ABLIM1: variants seen among roughly 807,000 people sequenced by gnomAD.
ABLIM1 encodes the protein actin-binding LIM protein 1.
In ABLIM1, 40 loss-of-function variants were observed where a neutral mutation model predicts 107.0. That is an observed-to-expected ratio of 0.37 (90% CI 0.29 to 0.49). ABLIM1 has a LOEUF of 0.49. Among genes scored for constraint, ABLIM1 ranks in the 20% least tolerant of loss-of-function variants. The probability of loss-of-function intolerance (pLI) is 0.97; values close to 1 mark genes in which losing one functional copy is unlikely to be tolerated. For synonymous variants in ABLIM1, 357 were observed against 357.3 expected, an observed-to-expected ratio of 1.00 and a Z score of 0.01; for missense variants, 857 against 1,008.5, an observed-to-expected ratio of 0.85 and a Z score of 2.04.
chr10:114,720,072 G>A lies in ABLIM1; in HGVS notation c.-213+47989C>T, dbSNP rs115018435. Among the ~76,000 whole-genome samples, 1,464 of 152,140 alleles carry A rather than the reference G, an allele frequency of 9.6e-3. 18 individuals carry two copies. Among genetic ancestry groups the A allele is most frequent in the African/African-American group, 0.033 (1,350 of 41,516 alleles). On this transcript the variant is annotated intron_variant, in intron 1 of 15. Coordinates refer to the ABLIM1 transcript ENST00000651092. ...CAGTGTGTGTTGTTTCCCTCCCTGT[G>A]TCCCTGTGCTCTCATTTTTCAGCTC...
chr10:114,736,043 A>G (rs1175743082), intron 1 of ABLIM1, among the ~76,000 whole-genome samples: 1 of 152,208 alleles, frequency 6.6e-6, no homozygotes, highest in Non-Finnish European at 1.5e-5. Context: ...TGACATCTAA[A>G]TATGCTGGCA....
intron 4 of ABLIM1, among the ~76,000 whole-genome samples, chr10:114,557,559 T>C (rs1565926274): frequency 6.6e-6 from 1 of 152,006 alleles, no homozygotes; most frequent in Non-Finnish European, 1.5e-5. Flanking sequence ...TTTTCATAAA[T>C]AGAGGCCATT....
intron 4 of ABLIM1, among the ~76,000 whole-genome samples, chr10:114,557,874 T>A (rs1016395981): frequency 2.7e-5 from 4 of 150,844 alleles, no homozygotes; most frequent in Admixed American, 2.0e-4. Flanking sequence ...TGAAACTCAC[T>A]AGATCACCCA....
chr10:114,558,312 G>A (rs1012315575), intron 4 of ABLIM1, among the ~76,000 whole-genome samples: 1 of 152,070 alleles, frequency 6.6e-6, no homozygotes, highest in Non-Finnish European at 1.5e-5. Flanking sequence ...CATTACGCAG[G>A]AATCCCATGA....
intron 1 of ABLIM1, among the ~76,000 whole-genome samples, chr10:114,717,511 C>T (rs1051485668): frequency 6.6e-6 from 1 of 152,096 alleles, no homozygotes; most frequent in African/African-American, 2.4e-5. Context: ...TAGTAGATGC[C>T]AGTAGCACCC....
intron 1 of ABLIM1, among the ~76,000 whole-genome samples, chr10:114,641,059 A>C (rs1225115100): frequency 6.6e-6 from 1 of 151,982 alleles, no homozygotes; most frequent in African/African-American, 2.4e-5. Context: ...ATCAATTCAC[A>C]ATAAAACAGG....
At chr10:114,573,951 GTTCA>G (rs906302366) in intron 3 of ABLIM1, among the ~76,000 whole-genome samples, 8 of 152,106 alleles carry the variant, frequency 5.3e-5, no homozygotes, top group African/African-American at 1.9e-4. Flanking sequence ...AAAATATTCA[GTTCA>G]TTCATCCAGA....
intron 1 of ABLIM1, among the ~76,000 whole-genome samples, chr10:114,746,730 C>A (rs1426300608): frequency 6.6e-6 from 1 of 152,196 alleles, no homozygotes; most frequent in Non-Finnish European, 1.5e-5. Context: ...CATCTTCTGT[C>A]TTTTTGATAA....
chr10:114,652,790 T>G (rs1404305348), intron 1 of ABLIM1, among the ~76,000 whole-genome samples: 5 of 152,158 alleles, frequency 3.3e-5, no homozygotes, highest in African/African-American at 1.2e-4. Flanking sequence ...ACCCAAAAGC[T>G]CCAAAGGACA....
chr10:114,516,491 T>G (rs2062837110), intron 6 of ABLIM1, among the ~76,000 whole-genome samples: 1 of 152,066 alleles, frequency 6.6e-6, no homozygotes, highest in South Asian at 2.1e-4. Flanking sequence ...ATCACTGCAC[T>G]CCAGCCTGGG....
chr10:114,544,376 AC>A (rs1340205871), intron 6 of ABLIM1, among the ~76,000 whole-genome samples: 1 of 152,004 alleles, frequency 6.6e-6, no homozygotes, highest in Admixed American at 6.6e-5. Flanking sequence ...TCTGTGTCTC[AC>A]CCCAGAGGAA....
intron 1 of ABLIM1, among the ~76,000 whole-genome samples, chr10:114,636,921 T>C (rs1013517422): frequency 2.0e-5 from 3 of 150,914 alleles, no homozygotes; most frequent in African/African-American, 7.3e-5. Context: ...TAATCTCAAA[T>C]ACTTGGGAGG....
At chr10:114,517,616 A>AG (rs112356709) in intron 6 of ABLIM1, among the ~76,000 whole-genome samples, 3 of 152,102 alleles carry the variant, frequency 2.0e-5, no homozygotes, top group South Asian at 2.1e-4. Flanking sequence ...AAGGGCGGGG[A>AG]GGGGGGCCAC....
intron 8 of ABLIM1, among the ~76,000 whole-genome samples, chr10:114,483,939 A>C (rs1481107054): frequency 2.0e-5 from 3 of 152,150 alleles, no homozygotes; most frequent in African/African-American, 7.2e-5. Context: ...CATGCAGCAT[A>C]ATCTCCAGCC....
chr10:114,518,193 C>T (rs971039562), intron 6 of ABLIM1, among the ~76,000 whole-genome samples: 1 of 152,146 alleles, frequency 6.6e-6, no homozygotes, highest in African/African-American at 2.4e-5. Context: ...AAGCAAGATA[C>T]AGAACTCTAC....
At chr10:114,618,484 G>A (rs2077268215) in intron 1 of ABLIM1, among the ~76,000 whole-genome samples, 2 of 152,208 alleles carry the variant, frequency 1.3e-5, no homozygotes, top group Admixed American at 1.3e-4. Context: ...CTGACTCTGA[G>A]ACAGGTTAGG....
chr10:114,760,812 T>C (rs1296213554), intron 1 of ABLIM1, among the ~76,000 whole-genome samples: 1 of 152,250 alleles, frequency 6.6e-6, no homozygotes, highest in African/African-American at 2.4e-5. Flanking sequence ...ATGTCCAAAA[T>C]GATCTCTCTC....
intron 8 of ABLIM1, among the ~76,000 whole-genome samples, chr10:114,475,336 C>G (rs2056166981): frequency 6.6e-6 from 1 of 152,232 alleles, no homozygotes; most frequent in African/African-American, 2.4e-5. Context: ...CTCCCTGATT[C>G]AATCCAGAGT....
chr10:114,691,141 G>A (rs1057177458), intron 1 of ABLIM1, among the ~76,000 whole-genome samples: 1 of 152,042 alleles, frequency 6.6e-6, no homozygotes, highest in African/African-American at 2.4e-5. Flanking sequence ...TTTTTTCAGA[G>A]TCACATCTTG....
Sources: allele counts gnomAD v4.1 joint callset (sites outside exome capture counted in the v4.1 genomes callset), GRCh38; gene constraint gnomAD v4.1.1; transcripts MANE v1.5; gene names NCBI Gene and HGNC (gene_info 2026-07-23, HGNC 2026-07-21).